Variants in TMEM267 observed in about 807,000 individuals in gnomAD.
TMEM267 encodes transmembrane protein 267.
A neutral mutation model predicts 19.3 loss-of-function variants in TMEM267; 20 were observed. The observed-to-expected ratio is 1.04, with a 90% CI of 0.73 to 1.51. The LOEUF (loss-of-function observed/expected upper bound fraction) is 1.51. Ranked by LOEUF, TMEM267 falls within the 40% of genes most tolerant of loss-of-function variation. TMEM267 has a pLI of 0.00. For synonymous variants in TMEM267, 88 were observed against 90.3 expected, an observed-to-expected ratio of 0.97 and a Z score of 0.15; for missense variants, 242 against 261.9, an observed-to-expected ratio of 0.92 and a Z score of 0.52.
rs541260040 is a variant in TMEM267 at position 43,445,762 on chromosome 5, T to C, written c.*460A>G. On this transcript the variant is annotated 3_prime_UTR_variant, in exon 3 of 3. Coordinates refer to ENST00000397080, the MANE Select transcript of TMEM267 (RefSeq NM_022483.5). ...TTAACTATACATTTGTATAGTTAAATGATTCATATCATTTATTTGGTGATT... is the reference window on the plus strand; with the variant it reads ...TTAACTATACATTTGTATAGTTAAACGATTCATATCATTTATTTGGTGATT... 2.0e-5 allele frequency: 3 copies of C among 152,796 alleles called. No individual in the cohort carries two copies. The highest frequency in any genetic ancestry group is 6.5e-5 in the Admixed American group (1 of 15,306). The allele number at this position is 152,796 out of a possible 1,614,324, so 9.5% of individuals were successfully genotyped here. A position where few individuals can be genotyped will look rare whatever the true frequency, so the allele number is the denominator to read the frequency against.
Position 43,462,313 on chromosome 5 carries a change from G to A in TMEM267, c.-74-8270C>T, listed in dbSNP as rs189671003. 2.4e-4 allele frequency among the ~76,000 whole-genome samples: 37 copies of A among 152,186 alleles called. No homozygotes were observed. In the East Asian group the frequency reaches 5.6e-3, roughly 23 times the overall value. ...TCTGGAAAACCTTCCCAAGAAGGAC[G>A]GGTACAAATAAGCCCCGACAATGAA... On this transcript the variant is annotated intron_variant, in intron 1 of 2. Transcript: ENST00000397080.
intron 1 of TMEM267, among the ~76,000 whole-genome samples, chr5:43,465,302 A>C (rs542423625): frequency 6.6e-5 from 10 of 152,352 alleles, no homozygotes; most frequent in African/African-American, 2.4e-4. Context: ...AAAAGTCAGG[A>C]AACAACAGGT....
In TMEM267 at chr5:43,460,491, G is replaced by C. The variant is rs1230588225; in HGVS notation, c.-74-6448C>G. Reference sequence around the variant, plus strand: ...TACCTTCATAAGAACCAAAAATCAGGTGAGACTCATAGTACCTGGTTTTAA... The same window carrying C: ...TACCTTCATAAGAACCAAAAATCAGCTGAGACTCATAGTACCTGGTTTTAA... On this transcript the variant is annotated intron_variant, in intron 1 of 2. Coordinates refer to ENST00000397080, the MANE Select transcript of TMEM267 (RefSeq NM_022483.5). 3.9e-4 allele frequency among the ~76,000 whole-genome samples: 60 copies of C among 151,932 alleles called. 2 individuals are homozygous for C. Among genetic ancestry groups the C allele is most frequent in the Admixed American group, 3.9e-3 (60 of 15,256 alleles).
chr5:43,456,295 C>T (rs1443236853), intron 1 of TMEM267, among the ~76,000 whole-genome samples: 2 of 152,044 alleles, frequency 1.3e-5, no homozygotes, highest in South Asian at 2.1e-4. Flanking sequence ...AAATGAATCA[C>T]AAACCTAAAT....
At position 43,450,820 on chromosome 5, in the gene TMEM267, G is replaced by GT. The variant is rs200230846; in HGVS notation, c.312+2837dup. ...CTTATCCCAATCTCTAACATTTATTGTTTTTTTTGTTTTGTTTTGTTTTGT... is the reference window on the plus strand; with the variant it reads ...CTTATCCCAATCTCTAACATTTATTGTTTTTTTTTGTTTTGTTTTGTTTTGT... On this transcript the variant is annotated intron_variant, in intron 2 of 2. Coordinates refer to ENST00000397080, the MANE Select transcript of TMEM267 (RefSeq NM_022483.5). Among the ~76,000 whole-genome samples, 896 of 151,646 alleles carry GT rather than the reference G, an allele frequency of 5.9e-3. 6 individuals are homozygous for GT. The highest frequency in any genetic ancestry group is 0.031 in the South Asian group (150 of 4,790).
At chr5:43,455,989 C>G (rs182500257) in intron 1 of TMEM267, among the ~76,000 whole-genome samples, 336 of 151,994 alleles carry the variant, frequency 2.2e-3, no homozygotes, top group African/African-American at 7.7e-3. Flanking sequence ...ATGTGTGTCA[C>G]CATGCCTTTT....
intron 1 of TMEM267, among the ~76,000 whole-genome samples, chr5:43,476,549 C>T (rs951102564): frequency 1.2e-5 from 1 of 82,152 alleles, no homozygotes; most frequent in Non-Finnish European, 2.2e-5. Flanking sequence ...CATAAGAAGA[C>T]AACACTGATG....
intron 1 of TMEM267, among the ~76,000 whole-genome samples, chr5:43,477,707 G>A (rs867321700): frequency 4.4e-4 from 67 of 152,058 alleles, no homozygotes; most frequent in African/African-American, 1.6e-3. Flanking sequence ...CAATGGCATT[G>A]CTGCCAGTGC....
chr5:43,478,933 G>T (rs979691553), intron 1 of TMEM267, among the ~76,000 whole-genome samples: 1 of 151,956 alleles, frequency 6.6e-6, no homozygotes, highest in Non-Finnish European at 1.5e-5. Context: ...AAACTTTCTC[G>T]TGGTCAATTT....
At position 43,445,964 on chromosome 5, in the gene TMEM267, G is replaced by GA. The variant is rs1007662840; in HGVS notation, c.*257dup. The GA allele has an allele frequency of 2.4e-5, 5 of 209,360 alleles. No homozygotes were observed. The highest frequency in any genetic ancestry group is 4.7e-5 in the Non-Finnish European group (5 of 106,158). The allele number at this position is 209,360 out of a possible 1,614,324, so 13.0% of individuals were successfully genotyped here. A position where few individuals can be genotyped will look rare whatever the true frequency, so the allele number is the denominator to read the frequency against. On this transcript the variant is annotated 3_prime_UTR_variant, in exon 3 of 3. Transcript: ENST00000397080. The stretch of plus-strand genomic sequence containing the variant: ...AACTACTAGTAAAGCCAGATAAATA[G>GA]AAAAAAACAGTAAAAATATATTGTG...
chr5:43,463,138 C>G (rs1360785088), intron 1 of TMEM267, among the ~76,000 whole-genome samples: 1 of 152,160 alleles, frequency 6.6e-6, no homozygotes, highest in African/African-American at 2.4e-5. Flanking sequence ...ATACAAACTA[C>G]CATCAGAGAA....
At position 43,446,207 on chromosome 5, in the gene TMEM267, A is replaced by T. The variant is rs1216979234; in HGVS notation, c.*15T>A. ...ATCATCTGAGCCATTTGCTTCTCTA[A>T]GACTGCCGTGTACCTCAGACATCAA... On this transcript the variant is annotated 3_prime_UTR_variant, in exon 3 of 3. Coordinates refer to ENST00000397080, the MANE Select transcript of TMEM267 (RefSeq NM_022483.5). 6.4e-7 allele frequency: 1 copy of T among 1,561,976 alleles called. No homozygotes were observed. The highest frequency in any genetic ancestry group is 1.4e-5 in the African/African-American group (1 of 73,818).
chr5:43,467,146 C>CAAAAAA (rs70994698), intron 1 of TMEM267, among the ~76,000 whole-genome samples: 4 of 49,000 alleles, frequency 8.2e-5, no homozygotes, highest in African/African-American at 2.1e-4. Context: ...GAGACTCTGT[C>CAAAAAA]AAAAAAAAAA....
intron 2 of TMEM267, among the ~76,000 whole-genome samples, chr5:43,450,191 G>A (rs1160494864): frequency 2.0e-5 from 3 of 151,784 alleles, no homozygotes; most frequent in Admixed American, 2.0e-4. Flanking sequence ...ATGGGGTCTG[G>A]CCCTGTTGCC....
chr5:43,453,746 G>C lies in TMEM267; in HGVS notation c.224C>G (p.Thr75Ser). Residue 75 changes from threonine to serine, a missense_variant, in exon 2 of 3, where the codon ACT (threonine) becomes AGT (serine). Coordinates refer to ENST00000397080, the MANE Select transcript of TMEM267 (RefSeq NM_022483.5). Reference protein sequence around the residue: ...WAVVTGIKKKTDFGEIILAGF... With the variant: ...WAVVTGIKKKSDFGEIILAGF... ...AGCTAAAATGATTTCTCCAAAGTCA[G>C]TCTTCTTCTTGATTCCAGTGACTAC... 1 of 1,613,994 alleles carries C rather than the reference G, an allele frequency of 6.2e-7. No individual in the cohort carries two copies. Among genetic ancestry groups the C allele is most frequent in the South Asian group, 1.1e-5 (1 of 91,080 alleles).
intron 1 of TMEM267, among the ~76,000 whole-genome samples, chr5:43,480,968 C>G (rs1744726639): frequency 6.6e-6 from 1 of 151,228 alleles, no homozygotes; most frequent in Admixed American, 6.6e-5. Flanking sequence ...CCACGCTCAG[C>G]TAATTTTTTG....
At chr5:43,448,476 A>T (rs1219069100) in intron 2 of TMEM267, among the ~76,000 whole-genome samples, 1 of 152,122 alleles carries the variant, frequency 6.6e-6, no homozygotes, top group Non-Finnish European at 1.5e-5. Context: ...GGAAAATCAG[A>T]AACAGAATAA....
At chr5:43,472,755 C>T (rs940505916) in intron 1 of TMEM267, among the ~76,000 whole-genome samples, 2 of 90,434 alleles carry the variant, frequency 2.2e-5, no homozygotes, top group East Asian at 5.0e-4. Flanking sequence ...CAATTGAACT[C>T]GTGGACATAG....
intron 1 of TMEM267, among the ~76,000 whole-genome samples, chr5:43,458,721 C>A (rs992562799): frequency 6.6e-6 from 1 of 152,084 alleles, no homozygotes; most frequent in African/African-American, 2.4e-5. Flanking sequence ...AGGTACACTT[C>A]ATTGATTATA....
Sources: allele counts gnomAD v4.1 joint callset (sites outside exome capture counted in the v4.1 genomes callset), GRCh38; gene constraint gnomAD v4.1.1; transcripts MANE v1.5; gene names NCBI Gene and HGNC (gene_info 2026-07-23, HGNC 2026-07-21).